Variants in BICDL1 observed in about 807,000 individuals in gnomAD.
BICDL1 encodes the protein BICD family-like cargo adapter 1.
Under a neutral mutation model 76.8 loss-of-function variants are expected in BICDL1, and 20 were observed. That is an observed-to-expected ratio of 0.26 (90% CI 0.18 to 0.38). The LOEUF (loss-of-function observed/expected upper bound fraction) is 0.38, where lower values mean the gene tolerates loss of function less well. Ranked by LOEUF, BICDL1 falls within the 10% of genes least tolerant of loss-of-function variation. The probability of loss-of-function intolerance (pLI) is 1.00; values close to 1 mark genes in which losing one functional copy is unlikely to be tolerated. For synonymous variants in BICDL1, 383 were observed against 337.1 expected (o/e 1.14, Z -1.49); for missense variants, 700 against 798.6 (o/e 0.88, Z 1.49).
chr12:120,077,394 A>C (rs535087966), intron 7 of BICDL1, among the ~76,000 whole-genome samples: 1 of 151,952 alleles, frequency 6.6e-6, no homozygotes, highest in South Asian at 2.1e-4. Context: ...CAAGTGGCCC[A>C]CCCCTCACCT....
intron 2 of BICDL1, among the ~76,000 whole-genome samples, chr12:120,013,082 G>T: frequency 6.6e-6 from 1 of 152,198 alleles, no homozygotes; most frequent in South Asian, 2.1e-4. Flanking sequence ...AGGCCAAGGC[G>T]GGTGGATCAC....
intron 2 of BICDL1, among the ~76,000 whole-genome samples, chr12:120,021,185 G>A (rs1026243075): frequency 2.0e-5 from 3 of 152,008 alleles, no homozygotes; most frequent in African/African-American, 7.3e-5. Context: ...TTGGGAGGGT[G>A]AAGCATAACA....
chr12:120,037,620 T>C (rs12311327), intron 2 of BICDL1, among the ~76,000 whole-genome samples: 52,703 of 152,014 alleles, frequency 0.35, 12,189 homozygotes, highest in African/African-American at 0.66. Flanking sequence ...TTTCCAACAC[T>C]TTGGAGAAGT....
At chr12:120,032,117 C>T (rs530390618) in intron 2 of BICDL1, among the ~76,000 whole-genome samples, 2 of 152,230 alleles carry the variant, frequency 1.3e-5, no homozygotes, top group African/African-American at 4.8e-5. Flanking sequence ...CCCACTGTAT[C>T]TTCCCTTCAC....
chr12:120,028,208 A>G (rs1396671157), intron 2 of BICDL1, among the ~76,000 whole-genome samples: 1 of 152,210 alleles, frequency 6.6e-6, no homozygotes, highest in Non-Finnish European at 1.5e-5. Flanking sequence ...ACACTTTATC[A>G]GAAATACTGG....
intron 2 of BICDL1, among the ~76,000 whole-genome samples, chr12:120,002,973 A>G (rs1040931652): frequency 3.3e-5 from 5 of 152,258 alleles, no homozygotes; most frequent in African/African-American, 9.6e-5. Context: ...CCTGGCCAAC[A>G]TGGTGAAACC....
chr12:120,085,882 C>T (rs553128200), intron 8 of BICDL1, among the ~76,000 whole-genome samples: 36 of 145,500 alleles, frequency 2.5e-4, no homozygotes, highest in Non-Finnish European at 4.9e-4. Flanking sequence ...AGAAGCTGAA[C>T]ATTAAGATCA....
intron 2 of BICDL1, among the ~76,000 whole-genome samples, chr12:120,057,965 G>A (rs1000283241): frequency 6.6e-6 from 1 of 151,838 alleles, no homozygotes; most frequent in African/African-American, 2.4e-5. Flanking sequence ...CGAATAGCTG[G>A]GACCACAGGC....
chr12:120,081,155 C>T, intron 8 of BICDL1, 138 bp downstream of exon 8: 1 of 712,678 alleles, frequency 1.4e-6, no homozygotes, highest in Admixed American at 2.8e-5. Flanking sequence ...ACCCCCACCC[C>T]CACCCCCACC....
chr12:119,998,362 A>G (rs1951694411), intron 1 of BICDL1, among the ~76,000 whole-genome samples, 159 bp from the exon 2 acceptor site: 1 of 152,230 alleles, frequency 6.6e-6, no homozygotes, highest in Non-Finnish European at 1.5e-5. Flanking sequence ...GGAAGAAGGA[A>G]TATTTTTGTA....
chr12:120,079,293 C>T lies in BICDL1; in HGVS notation c.1453-1594C>T, dbSNP rs889212068. Among the ~76,000 whole-genome samples the T allele has an allele frequency of 3.9e-5, 6 of 152,222 alleles. No homozygotes were observed. Among genetic ancestry groups the T allele is most frequent in the African/African-American group, 1.2e-4 (5 of 41,458 alleles). On this transcript the variant is annotated intron_variant, in intron 7 of 9. Transcript: ENST00000548673. This position sits in a 1 kb window ranked among gnomAD's most constrained non-coding sequence, Gnocchi z 4.3. ...CTACCCCAGGGGCTGGCAGCTCTGC[C>T]GTCTCGTTCTGGAGAATGTCTGAAA... is the stretch of plus-strand genomic sequence containing the variant.
chr12:120,093,162 G>T lies in BICDL1; in HGVS notation c.*1G>T, dbSNP rs1875134984. The stretch of plus-strand genomic sequence containing the variant: ...CTTCTCATTCTTCAGGAAAATTTAA[G>T]TTGGGAGGAGTCAGGCCACCAAAGA... On this transcript the variant is annotated 3_prime_UTR_variant, in exon 10 of 10. Transcript: ENST00000548673. 6.3e-7 allele frequency: 1 copy of T among 1,586,234 alleles called. No individual in the cohort carries two copies. Among genetic ancestry groups the T allele is most frequent in the South Asian group, 1.1e-5 (1 of 88,460 alleles).
intron 8 of BICDL1, among the ~76,000 whole-genome samples, chr12:120,086,186 G>A (rs965156110): frequency 2.0e-5 from 3 of 152,076 alleles, no homozygotes; most frequent in African/African-American, 4.8e-5. Context: ...TGGAGCAAGG[G>A]TCCTGTCCTT....
intron 8 of BICDL1, among the ~76,000 whole-genome samples, chr12:120,088,361 G>C (rs1284443298): frequency 6.6e-6 from 1 of 151,602 alleles, no homozygotes; most frequent in Non-Finnish European, 1.5e-5. Flanking sequence ...GTGGGGTTTT[G>C]TTTTTATTTT....
intron 1 of BICDL1, among the ~76,000 whole-genome samples, chr12:119,991,494 C>T (rs1039625607): frequency 6.6e-6 from 1 of 152,194 alleles, no homozygotes; most frequent in South Asian, 2.1e-4. Flanking sequence ...TCGATGAACT[C>T]CTGAGATACC....
rs1353451463 is a variant in BICDL1 at position 120,079,150 on chromosome 12, C to G, written c.1453-1737C>G. Reference sequence around the variant, plus strand: ...GCTGTTCTCAGTACAGAGCACCCGGCCCTGATGTTTCCTGCTAGACTCTGC... The same window carrying G: ...GCTGTTCTCAGTACAGAGCACCCGGGCCTGATGTTTCCTGCTAGACTCTGC... On this transcript the variant is annotated intron_variant, in intron 7 of 9. Coordinates refer to ENST00000548673, the MANE Select transcript of BICDL1 (RefSeq NM_001367886.1). This position sits in a 1 kb window ranked among gnomAD's most constrained non-coding sequence, Gnocchi z 4.3. Among the ~76,000 whole-genome samples, 1 of 152,228 alleles carries G rather than the reference C, an allele frequency of 6.6e-6. No homozygotes were observed. Among genetic ancestry groups the G allele is most frequent in the African/African-American group, 2.4e-5 (1 of 41,454 alleles).
At chr12:120,048,945 G>A (rs1368644436) in intron 2 of BICDL1, among the ~76,000 whole-genome samples, 1 of 152,002 alleles carries the variant, frequency 6.6e-6, no homozygotes, top group African/African-American at 2.4e-5. Flanking sequence ...GTTTGTTTCA[G>A]CCTTGAAAGA....
chr12:120,015,387 C>T (rs971426106), intron 2 of BICDL1, among the ~76,000 whole-genome samples: 4 of 152,196 alleles, frequency 2.6e-5, no homozygotes, highest in Non-Finnish European at 5.9e-5. Flanking sequence ...CTTCTTTCTA[C>T]TTGTACCACC....
Position 119,990,348 on chromosome 12 carries a change from G to A in BICDL1, c.429+51G>A. ...TGGGGAGCAGGGGCCGCCCAGGCAC[G>A]CGCCCGGCCCTGGGCAGTTAGGGAA... On this transcript the variant is annotated intron_variant, in intron 1 of 9. Coordinates refer to ENST00000548673, the MANE Select transcript of BICDL1 (RefSeq NM_001367886.1). 3 of 1,539,218 alleles carry A rather than the reference G, an allele frequency of 1.9e-6. No homozygotes were observed. In the South Asian group the frequency reaches 3.6e-5, roughly 19 times the overall value.
Sources: allele counts gnomAD v4.1 joint callset (sites outside exome capture counted in the v4.1 genomes callset), GRCh38; gene constraint gnomAD v4.1.1; non-coding constraint Gnocchi (gnomAD v3.1); transcripts MANE v1.5; gene names NCBI Gene and HGNC (gene_info 2026-07-23, HGNC 2026-07-21).